Variants in TLE7 observed in about 807,000 individuals in gnomAD.
The protein encoded by TLE7 is TLE family member 7.
intron 1 of TLE7, among the ~76,000 whole-genome samples, chr16:71,440,493 T>C (rs965321165): frequency 2.0e-5 from 3 of 150,534 alleles, no homozygotes; most frequent in African/African-American, 7.4e-5. Context: ...AAAAAAAAAA[T>C]AGCTAAAGTG....
At position 71,432,242 on chromosome 16, in the gene TLE7, C is replaced by T. The variant is rs955251456; in HGVS notation, c.477G>A (p.Lys159=). 7.5e-6 allele frequency: 3 copies of T among 400,744 alleles called. No homozygotes were observed. The highest frequency in any genetic ancestry group is 1.3e-5 in the Non-Finnish European group (3 of 226,292). 24.8% of individuals were successfully genotyped at this position (400,744 alleles called of 1,614,324 possible). The change falls in exon 5 of 10, where the codon AAG becomes AAA. Residue 159 remains lysine, a synonymous_variant. Transcript: ENST00000561754. ...SWKVGTLFHG[K]RVYAVAISGS... ...CGCTGATGGCCACAGCGTAGACTCT[C>T]TTTCCATGGAAGAGTGTGCCAACCT...
chr16:71,431,755 T>C lies in TLE7; in HGVS notation c.851+6A>G. On this transcript the variant is annotated splice_donor_region_variant and intron_variant, in intron 6 of 9. Transcript: ENST00000561754. The surrounding 1 kb of genome is among the most constrained non-coding windows in gnomAD (Gnocchi z 4.5). ...ACACCTGAGTGGCTCTGGAGAGAGGTCATACCTGATCAAGATTTGGTTCTG... is the reference window on the plus strand; with the variant it reads ...ACACCTGAGTGGCTCTGGAGAGAGGCCATACCTGATCAAGATTTGGTTCTG... 1 of 400,402 alleles carries C rather than the reference T, an allele frequency of 2.5e-6. No individual in the cohort carries two copies. The highest frequency in any genetic ancestry group is 4.4e-6 in the Non-Finnish European group (1 of 226,210). The allele number at this position is 400,402 out of a possible 1,614,324, so 24.8% of individuals were successfully genotyped here. A position where few individuals can be genotyped will look rare whatever the true frequency, so the allele number is the denominator to read the frequency against.
At chr16:71,440,749 G>A (rs1381661162) in intron 1 of TLE7, among the ~76,000 whole-genome samples, 1 of 152,194 alleles carries the variant, frequency 6.6e-6, no homozygotes, top group East Asian at 1.9e-4. Flanking sequence ...AACACCTAGT[G>A]GGCCAACACA....
chr16:71,432,074 C>T, intron 5 of TLE7, 36 bp downstream of exon 5: 1 of 401,050 alleles, frequency 2.5e-6, no homozygotes, highest in Middle Eastern at 3.1e-4. Context: ...GAGGCCCTGT[C>T]AGAGTTCCCT....
At chr16:71,441,353 G>A (rs112336090) in intron 1 of TLE7, among the ~76,000 whole-genome samples, 5 of 152,260 alleles carry the variant, frequency 3.3e-5, no homozygotes, top group African/African-American at 1.2e-4. Flanking sequence ...CCACAGTGCT[G>A]GGATCACAGG....
chr16:71,436,470 T>C (rs1412574878), intron 1 of TLE7, among the ~76,000 whole-genome samples: 1 of 152,096 alleles, frequency 6.6e-6, no homozygotes, highest in East Asian at 1.9e-4. Flanking sequence ...AGCCCTTGAA[T>C]TGGGGGTAGT....
chr16:71,441,301 T>TG (rs2042846791), intron 1 of TLE7, among the ~76,000 whole-genome samples: 1 of 152,254 alleles, frequency 6.6e-6, no homozygotes, highest in Non-Finnish European at 1.5e-5. Context: ...CCCAGGCTGG[T>TG]CTTGAACTGC....
chr16:71,436,239 T>C (rs1012703374), intron 1 of TLE7, among the ~76,000 whole-genome samples: 1 of 151,956 alleles, frequency 6.6e-6, no homozygotes, highest in African/African-American at 2.4e-5. Context: ...AATCCCCACA[T>C]CCTCTCCCAG....
chr16:71,439,417 G>A (rs974173488), intron 1 of TLE7, among the ~76,000 whole-genome samples: 1 of 152,100 alleles, frequency 6.6e-6, no homozygotes, highest in African/African-American at 2.4e-5. Context: ...GAGCACAGAG[G>A]GTGTGTGTTT....
At chr16:71,434,665 T>C (rs894180567) in intron 1 of TLE7, among the ~76,000 whole-genome samples, 2 of 152,178 alleles carry the variant, frequency 1.3e-5, no homozygotes, top group Non-Finnish European at 1.5e-5. Flanking sequence ...CACAACTATA[T>C]GGGCCCCATT....
intron 1 of TLE7, among the ~76,000 whole-genome samples, chr16:71,441,558 A>G (rs1007592403): frequency 2.0e-5 from 3 of 152,182 alleles, no homozygotes; most frequent in Non-Finnish European, 2.9e-5. Flanking sequence ...CCGGCGCCCC[A>G]GGGCCTGGCT....
rs927891965 is a variant in TLE7, at chr16:71,432,161, C to T, written c.558G>A (p.Glu186=). ...CGSGYIRVWD[E]SALHAGEKAP... ...CCTTCTCCCCCGCATGCAGCGCACT[C>T]TCATCCCATACCCTGATGTAGCCAG... Residue 186 remains glutamate (E), a synonymous_variant, in exon 5 of 10, where the codon GAG becomes GAA. Coordinates refer to ENST00000561754, the MANE Select transcript of TLE7 (RefSeq NM_001367365.2). 2 of 400,982 alleles carry T rather than the reference C, an allele frequency of 5.0e-6. No individual in the cohort carries two copies. Among genetic ancestry groups the T allele is most frequent in the East Asian group, 7.1e-5 (2 of 28,086 alleles). The allele number at this position is 400,982 out of a possible 1,614,324, so 24.8% of individuals were successfully genotyped here.
intron 1 of TLE7, among the ~76,000 whole-genome samples, chr16:71,436,438 C>T (rs1414752664): frequency 6.6e-6 from 1 of 152,152 alleles, no homozygotes; most frequent in Admixed American, 6.5e-5. Flanking sequence ...CTGCTGCTGG[C>T]GGTATCTCAG....
chr16:71,438,378 T>C (rs1448608563), intron 1 of TLE7, among the ~76,000 whole-genome samples: 1 of 140,266 alleles, frequency 7.1e-6, no homozygotes, highest in Non-Finnish European at 1.5e-5. Context: ...TGAAGCAAGA[T>C]TGCGCCACTC....
rs540613214 is a variant in TLE7, at chr16:71,438,862, T to C, written c.-97+3107A>G. Among the ~76,000 whole-genome samples the C allele has an allele frequency of 3.3e-5, 5 of 152,236 alleles. No individual in the cohort carries two copies. In the South Asian group the frequency reaches 1.0e-3, roughly 32 times the overall value. On this transcript the variant is annotated intron_variant, in intron 1 of 9. Transcript: ENST00000561754. ...GTGGATAGAGGGACCCAGCTTGAGC[T>C]CAGGATGTGCCATAGTTGAAATTCA...
At chr16:71,440,445 T>G (rs2042842762) in intron 1 of TLE7, among the ~76,000 whole-genome samples, 1 of 151,936 alleles carries the variant, frequency 6.6e-6, no homozygotes, top group South Asian at 2.1e-4. Flanking sequence ...GCGACTGCAC[T>G]CCAGCCTGGG....
At chr16:71,434,651 T>A (rs2042819403) in intron 1 of TLE7, among the ~76,000 whole-genome samples, 1 of 152,228 alleles carries the variant, frequency 6.6e-6, no homozygotes, top group Admixed American at 6.5e-5. Context: ...TCTCATTTTA[T>A]GCTCACAACT....
chr16:71,436,278 G>A (rs1396863006), intron 1 of TLE7, among the ~76,000 whole-genome samples: 1 of 152,170 alleles, frequency 6.6e-6, no homozygotes, highest in Non-Finnish European at 1.5e-5. Flanking sequence ...ACACCCAGGT[G>A]CTGCCCCTAT....
intron 1 of TLE7, among the ~76,000 whole-genome samples, chr16:71,439,567 G>T (rs890921335): frequency 1.3e-5 from 2 of 151,984 alleles, no homozygotes; most frequent in Admixed American, 6.6e-5. Flanking sequence ...GGGATAGAAT[G>T]GGGGGAAGGG....
Sources: allele counts gnomAD v4.1 joint callset (sites outside exome capture counted in the v4.1 genomes callset), GRCh38; gene constraint gnomAD v4.1.1; non-coding constraint Gnocchi (gnomAD v3.1); transcripts MANE v1.5; gene names NCBI Gene and HGNC (gene_info 2026-07-23, HGNC 2026-07-21).